Variants in G6PD observed in about 807,000 individuals in gnomAD.
G6PD encodes glucose-6-phosphate dehydrogenase.
Under a neutral mutation model 38.2 loss-of-function variants are expected in G6PD, and 2 were observed. The ratio of observed to expected loss-of-function variants is 0.05; its 90% confidence interval spans 0.02 to 0.16. The LOEUF is 0.16. Among genes scored for constraint, G6PD ranks in the 10% least tolerant of loss-of-function variants. The probability of loss-of-function intolerance (pLI) is 1.00; values close to 1 mark genes in which losing one functional copy is unlikely to be tolerated. For synonymous variants in G6PD, 188 were observed against 196.0 expected, an observed-to-expected ratio of 0.96 and a Z score of 0.34; for missense variants, 310 against 471.6, an observed-to-expected ratio of 0.66 and a Z score of 3.17.
intron 2 of G6PD, among the ~76,000 whole-genome samples, chrX:154,543,964 T>C (rs1308242228): frequency 9.2e-6 from 1 of 108,784 alleles, no homozygotes; most frequent in Non-Finnish European, 1.9e-5. Flanking sequence ...GCCTCCCGAG[T>C]TCACGCCTTT....
Position 154,533,117 on chromosome X carries a change from C to T in G6PD, c.876G>A (p.Leu292=), listed in dbSNP as rs1557229920. ...DDVRDEKVKV[L]KCISEVQANN... ...TGGCCTGCACCTCTGAGATGCATTTCAACACCTTGACCTGAGAGAAAGCCA... is the reference window on the plus strand; with the variant it reads ...TGGCCTGCACCTCTGAGATGCATTTTAACACCTTGACCTGAGAGAAAGCCA... Residue 292 remains leucine, a synonymous_variant, in exon 9 of 13, where the codon TTG becomes TTA. Coordinates refer to ENST00000393562, the MANE Select transcript of G6PD (RefSeq NM_001360016.2). The T allele has an allele frequency of 1.7e-6, 2 of 1,212,122 alleles. No homozygotes were observed. Among genetic ancestry groups the T allele is most frequent in the Admixed American group, 4.3e-5 (2 of 46,152 alleles).
chrX:154,537,694 T>C (rs1046658077), intron 2 of G6PD, among the ~76,000 whole-genome samples: 1 of 112,293 alleles, frequency 8.9e-6, no homozygotes, highest in African/African-American at 3.2e-5. Context: ...CCCCCTGGCA[T>C]AGAGAGTGTT....
At position 154,531,632 on chromosome X, in the gene G6PD, T is replaced by G; in HGVS notation, c.*368A>C. On this transcript the variant is annotated 3_prime_UTR_variant, in exon 13 of 13. Coordinates refer to ENST00000393562, the MANE Select transcript of G6PD (RefSeq NM_001360016.2). The stretch of plus-strand genomic sequence containing the variant: ...TTCTCTCACGTGGGTGCTCGCCCCT[T>G]TCCTCCCCCTCGTCCCTCCCTCCCA... The G allele has an allele frequency of 3.6e-6, 1 of 277,598 alleles. No individual in the cohort carries two copies. The highest frequency in any genetic ancestry group is 6.5e-6 in the Non-Finnish European group (1 of 154,650). The allele number at this position is 277,598 out of a possible 1,213,427, so 22.9% of individuals were successfully genotyped here.
At chrX:154,547,248 T>A (rs1028560522), upstream of G6PD, 6 of 654,748 alleles carry the variant, frequency 9.2e-6, no homozygotes, top group Non-Finnish European at 9.1e-6. Flanking sequence ...TCCTCTGGGC[T>A]GTCCCTCGGC....
intron 2 of G6PD, among the ~76,000 whole-genome samples, chrX:154,540,886 T>C (rs2070487066): frequency 9.0e-6 from 1 of 110,980 alleles, no homozygotes; most frequent in African/African-American, 3.3e-5. Context: ...GTGAGCTCGG[T>C]GCCAGGACTA....
chrX:154,537,990 GTTTTTTT>G (rs781988750), intron 2 of G6PD, among the ~76,000 whole-genome samples: 1 of 91,079 alleles, frequency 1.1e-5, no homozygotes, highest in Admixed American at 1.2e-4. Context: ...AAATCAGGAG[GTTTTTTT>G]TTTTTTTTTT....
intron 5 of G6PD, 55 bp downstream of exon 5, chrX:154,535,113 A>AGCACTGCCTG: frequency 1.0e-5 from 11 of 1,098,316 alleles, no homozygotes; most frequent in Non-Finnish European, 1.4e-5. Context: ...GAGTGGTGGG[A>AGCACTGCCTG]GCACTGCCTG....
At chrX:154,536,740 G>A (rs781936985) in intron 2 of G6PD, among the ~76,000 whole-genome samples, 5 of 111,299 alleles carry the variant, frequency 4.5e-5, no homozygotes, top group Non-Finnish European at 7.5e-5. Flanking sequence ...TGAGGCAGGA[G>A]AATCACTTGA....
Position 154,536,130 on chromosome X carries a change from G to A in G6PD, c.158+11C>T, listed in dbSNP as rs1227820433. On this transcript the variant is annotated intron_variant, in intron 3 of 12. Transcript: ENST00000393562. ...CGGGAGGTCACAGGGGCAGTGGTGGGACACACTTACCAGATGGTGGGGTAG... is the reference window on the plus strand; with the variant it reads ...CGGGAGGTCACAGGGGCAGTGGTGGAACACACTTACCAGATGGTGGGGTAG... The A allele has an allele frequency of 2.8e-5, 34 of 1,209,610 alleles. No individual in the cohort carries two copies. Among genetic ancestry groups the A allele is most frequent in the Non-Finnish European group, 3.8e-5 (34 of 894,415 alleles).
intron 2 of G6PD, among the ~76,000 whole-genome samples, chrX:154,542,062 G>C (rs1217146018): frequency 8.9e-6 from 1 of 112,344 alleles, no homozygotes; most frequent in Non-Finnish European, 1.9e-5. Flanking sequence ...ACCAACAAAA[G>C]GGCCTCCCTG....
chrX:154,544,998 AT>A (rs2070654037), intron 2 of G6PD, among the ~76,000 whole-genome samples: 1 of 112,037 alleles, frequency 8.9e-6, no homozygotes, highest in African/African-American at 3.2e-5. Flanking sequence ...GAGCAGAGAG[AT>A]TCTTGAGTGC....
intron 2 of G6PD, among the ~76,000 whole-genome samples, chrX:154,538,432 T>C (rs1322106367): frequency 8.9e-6 from 1 of 112,375 alleles, no homozygotes; most frequent in African/African-American, 3.2e-5. Flanking sequence ...AAAAAAATCA[T>C]TGAAATTCAC....
chrX:154,532,280 G>A lies in G6PD; in HGVS notation c.1365C>T (p.Ser455=). Reference sequence around the variant, plus strand: ...TACGCCAGGCCTCACGGAGCTCGTCGCTGAGGGGACATGGTATGGCTTGGG... The same window carrying A: ...TACGCCAGGCCTCACGGAGCTCGTCACTGAGGGGACATGGTATGGCTTGGG... ...FCGSQMHFVR[S]DELREAWRIF... The change falls in exon 12 of 13, where the codon AGC becomes AGT. Residue 455 remains serine (S), a splice_region_variant and synonymous_variant. Transcript: ENST00000393562. The A allele has an allele frequency of 3.3e-6, 4 of 1,211,391 alleles. No individual in the cohort carries two copies. Among genetic ancestry groups the A allele is most frequent in the African/African-American group, 1.7e-5 (1 of 57,914 alleles).
Position 154,532,809 on chromosome X carries a change from G to A in G6PD, c.1052-7C>T, listed in dbSNP as rs781857266. On this transcript the variant is annotated splice_polypyrimidine_tract_variant and splice_region_variant and intron_variant, in intron 9 of 12. Transcript: ENST00000393562. ...CGCAGGATGAAGGGCACCCCTACGTGGCGGAAAGGGCAGCCTCAGCACCAG... is the reference window on the plus strand; with the variant it reads ...CGCAGGATGAAGGGCACCCCTACGTAGCGGAAAGGGCAGCCTCAGCACCAG... 1 of 1,206,635 alleles carries A rather than the reference G, an allele frequency of 8.3e-7. No individual in the cohort carries two copies. Among genetic ancestry groups the A allele is most frequent in the Non-Finnish European group, 1.1e-6 (1 of 892,351 alleles).
intron 9 of G6PD, 63 bp from the exon 10 acceptor site, chrX:154,532,865 G>C (rs1170879182): frequency 4.2e-6 from 5 of 1,202,787 alleles, no homozygotes; most frequent in Non-Finnish European, 5.6e-6. Context: ...GTGCGTGAGT[G>C]TCTCAGTGGG....
chrX:154,532,124 T>C (rs1557229444), intron 12 of G6PD, 34 bp from the exon 13 acceptor site: 4 of 1,199,191 alleles, frequency 3.3e-6, no homozygotes, highest in Non-Finnish European at 4.5e-6. Context: ...AGGCATGAGG[T>C]AGCTCCACCC....
intron 5 of G6PD, among the ~76,000 whole-genome samples, chrX:154,534,911 G>A (rs2070388507): frequency 8.9e-6 from 1 of 112,419 alleles, no homozygotes; most frequent in South Asian, 3.6e-4. Flanking sequence ...TGGCTGGGTT[G>A]GGAAACCACC....
At chrX:154,540,001 G>A (rs781795492) in intron 2 of G6PD, among the ~76,000 whole-genome samples, 1 of 110,307 alleles carries the variant, frequency 9.1e-6, no homozygotes, top group African/African-American at 3.3e-5. Context: ...CATTACAGGC[G>A]TGAGCCACCG....
intron 2 of G6PD, among the ~76,000 whole-genome samples, chrX:154,537,247 G>A (rs923916578): frequency 8.9e-6 from 1 of 112,288 alleles, no homozygotes; most frequent in Non-Finnish European, 1.9e-5. Context: ...GGAGGTTGCA[G>A]TGAGCCAAGA....
Sources: gnomAD v4.1 joint callset for allele counts (sites outside exome capture counted in the v4.1 genomes callset) on GRCh38, gnomAD v4.1.1 for gene constraint, MANE v1.5 for transcripts, NCBI Gene and HGNC (gene_info 2026-07-23, HGNC 2026-07-21) for gene names.